Variants in PTBP2 observed in about 807,000 individuals in gnomAD.
PTBP2 encodes polypyrimidine tract binding protein 2.
In PTBP2, 13 loss-of-function variants were observed where a neutral mutation model predicts 61.4. The observed-to-expected ratio is 0.21, with a 90% confidence interval of 0.14 to 0.34. PTBP2 has a LOEUF of 0.34. Among genes scored for constraint, PTBP2 ranks in the 10% least tolerant of loss-of-function variants. The probability of loss-of-function intolerance (pLI) is 1.00; values close to 1 mark genes in which losing one functional copy is unlikely to be tolerated. For synonymous variants in PTBP2, 215 were observed against 218.5 expected, an observed-to-expected ratio of 0.98 and a Z score of 0.14; for missense variants, 405 against 642.6, an observed-to-expected ratio of 0.63 and a Z score of 4.00.
chr1:96,758,051 T>C (rs1655361259), intron 3 of PTBP2, among the ~76,000 whole-genome samples: 1 of 152,048 alleles, frequency 6.6e-6, no homozygotes, highest in African/African-American at 2.4e-5. Flanking sequence ...AGTGGATATA[T>C]GCAGAGTATA....
At position 96,774,731 on chromosome 1, in the gene PTBP2, C is replaced by G. The variant is rs554338426; in HGVS notation, c.433-2854C>G. Among the ~76,000 whole-genome samples the G allele has an allele frequency of 5.2e-4, 79 of 152,114 alleles. 3 individuals are homozygous for G. In the South Asian group the frequency reaches 0.016, roughly 31 times the overall value. ...CTTTTCCCTTCTGGAATTTTTTTCT[C>G]GCTAGTACAGCCAGTACGTATCTTT... is the stretch of plus-strand genomic sequence containing the variant. On this transcript the variant is annotated intron_variant, in intron 5 of 13. Transcript: ENST00000674951.
At chr1:96,812,033 G>A (rs1047257780) in intron 11 of PTBP2, among the ~76,000 whole-genome samples, 1 of 152,148 alleles carries the variant, frequency 6.6e-6, no homozygotes, top group Non-Finnish European at 1.5e-5. Context: ...TTTCCCTTGA[G>A]CATCATGTTG....
intron 3 of PTBP2, among the ~76,000 whole-genome samples, chr1:96,758,290 T>G (rs973719464): frequency 5.9e-5 from 9 of 151,974 alleles, no homozygotes; most frequent in African/African-American, 2.2e-4. Flanking sequence ...AAAAAATCTT[T>G]CCACAAAGAT....
intron 8 of PTBP2, among the ~76,000 whole-genome samples, chr1:96,804,581 T>C (rs1007145453): frequency 2.6e-5 from 4 of 152,174 alleles, no homozygotes; most frequent in African/African-American, 7.2e-5. Flanking sequence ...GTATGTACTT[T>C]AGTTCAAATA....
At chr1:96,734,522 G>A (rs1423743179) in intron 2 of PTBP2, among the ~76,000 whole-genome samples, 2 of 151,210 alleles carry the variant, frequency 1.3e-5, no homozygotes, top group Non-Finnish European at 2.9e-5. Context: ...AATTTAACAG[G>A]TCGTTATTAC....
intron 8 of PTBP2, among the ~76,000 whole-genome samples, chr1:96,790,415 C>CT (rs1553184495): frequency 6.6e-6 from 1 of 151,928 alleles, no homozygotes; most frequent in South Asian, 2.1e-4. Context: ...CCTTTCGTTA[C>CT]TTTTTTTTCT....
chr1:96,766,414 T>C (rs1182541104), intron 3 of PTBP2, among the ~76,000 whole-genome samples: 1 of 152,190 alleles, frequency 6.6e-6, no homozygotes, highest in Non-Finnish European at 1.5e-5. Flanking sequence ...GTTCTGGGTT[T>C]ACTGGAGGAA....
chr1:96,755,089 A>G (rs969457002), intron 3 of PTBP2, among the ~76,000 whole-genome samples: 3 of 152,254 alleles, frequency 2.0e-5, no homozygotes, highest in Admixed American at 2.0e-4. Context: ...AACAAAGCAT[A>G]TAGCTGATAA....
chr1:96,750,458 A>T (rs924992846), intron 2 of PTBP2, among the ~76,000 whole-genome samples: 1 of 151,948 alleles, frequency 6.6e-6, no homozygotes, highest in African/African-American at 2.4e-5. Context: ...TAAGGGAGAC[A>T]ACCTATGGAT....
Position 96,759,562 on chromosome 1 carries a change from A to T in PTBP2, c.115+8062A>T, listed in dbSNP as rs116818712. Among the ~76,000 whole-genome samples the T allele has an allele frequency of 2.7e-3, 405 of 152,330 alleles. 1 individual carries two copies. Among genetic ancestry groups the T allele is most frequent in the Admixed American group, 4.5e-3 (69 of 15,306 alleles). ...TCTGTATAAAACAATGAGATTAATT[A>T]TATAAAAACTAATATATAGAGTTTT... On this transcript the variant is annotated intron_variant, in intron 3 of 13. Coordinates refer to ENST00000674951, the MANE Select transcript of PTBP2 (RefSeq NM_021190.4).
At chr1:96,808,940 A>G (rs979227999) in intron 11 of PTBP2, among the ~76,000 whole-genome samples, 2 of 152,184 alleles carry the variant, frequency 1.3e-5, no homozygotes, top group African/African-American at 4.8e-5. Context: ...GAGACATGTA[A>G]AGCAGAAGAA....
At chr1:96,790,170 G>A (rs927985452) in intron 8 of PTBP2, among the ~76,000 whole-genome samples, 2 of 152,026 alleles carry the variant, frequency 1.3e-5, no homozygotes, top group African/African-American at 4.8e-5. Context: ...AGACTAGTCT[G>A]GCTGTTTCTT....
intron 3 of PTBP2, among the ~76,000 whole-genome samples, chr1:96,761,269 G>A (rs925255773): frequency 6.6e-6 from 1 of 151,974 alleles, no homozygotes; most frequent in Non-Finnish European, 1.5e-5. Context: ...CAGTAGTTGT[G>A]TCTTGCTGTA....
At chr1:96,808,089 A>G (rs970242493) in intron 11 of PTBP2, among the ~76,000 whole-genome samples, 1 of 152,094 alleles carries the variant, frequency 6.6e-6, no homozygotes, top group Non-Finnish European at 1.5e-5. Flanking sequence ...GTGTCATTTA[A>G]ATAAGGGATG....
intron 2 of PTBP2, among the ~76,000 whole-genome samples, chr1:96,731,928 A>G (rs1342369148): frequency 6.6e-6 from 1 of 152,162 alleles, no homozygotes; most frequent in Non-Finnish European, 1.5e-5. Context: ...ATTGTATGAA[A>G]TGACTGTAGA....
chr1:96,728,095 T>C (rs541936324), intron 2 of PTBP2, among the ~76,000 whole-genome samples: 286 of 152,216 alleles, frequency 1.9e-3, no homozygotes, highest in Non-Finnish European at 3.4e-3. Context: ...ACACAAGGGC[T>C]CCTGCTTCAG....
intron 8 of PTBP2, among the ~76,000 whole-genome samples, chr1:96,797,566 G>T (rs1192617371): frequency 2.0e-5 from 3 of 152,090 alleles, no homozygotes; most frequent in Non-Finnish European, 2.9e-5. Flanking sequence ...TGGTATACAT[G>T]GGAGATTGGT....
At chr1:96,767,726 A>G (rs559266237) in intron 3 of PTBP2, among the ~76,000 whole-genome samples, 1 of 152,272 alleles carries the variant, frequency 6.6e-6, no homozygotes, top group South Asian at 2.1e-4. Context: ...ACGGGCCTAG[A>G]GATGATTTTG....
intron 3 of PTBP2, among the ~76,000 whole-genome samples, chr1:96,755,925 A>G (rs1655104959): frequency 6.6e-6 from 1 of 152,200 alleles, no homozygotes; most frequent in African/African-American, 2.4e-5. Context: ...ATGTATGCAT[A>G]TGTCAAAACT....
Sources: gnomAD v4.1 joint callset for allele counts (sites outside exome capture counted in the v4.1 genomes callset) on GRCh38, gnomAD v4.1.1 for gene constraint, MANE v1.5 for transcripts, NCBI Gene and HGNC (gene_info 2026-07-23, HGNC 2026-07-21) for gene names.